PATJ: variants seen among roughly 807,000 people sequenced by gnomAD.
PATJ encodes the protein PATJ crumbs cell polarity complex component.
In PATJ, 190 loss-of-function variants were observed where a neutral mutation model predicts 224.9. The observed-to-expected ratio is 0.84, with a 90% CI of 0.75 to 0.95. The LOEUF (loss-of-function observed/expected upper bound fraction) is 0.95. Ranked by LOEUF, PATJ falls within the 40% of genes least tolerant of loss-of-function variation. The pLI is 0.00. For synonymous variants in PATJ, 769 were observed against 820.3 expected (o/e 0.94, Z 1.07); for missense variants, 2,121 against 2,270.3 (o/e 0.93, Z 1.34).
intron 35 of PATJ, 122 bp downstream of exon 35, chr1:62,114,368 T>C: frequency 1.1e-6 from 1 of 937,644 alleles, no homozygotes; most frequent in Non-Finnish European, 1.6e-6. Context: ...AAGATATTTA[T>C]GAAAATTTGA....
Position 61,765,066 on chromosome 1 carries a change from A to ATTTTTTTTTTTTTTTT in PATJ, c.190-1195_190-1180dup, listed in dbSNP as rs71582647. On this transcript the variant is annotated intron_variant, in intron 3 of 43. Transcript: ENST00000642238. ...TTTCTTTGAGGTTTTATTGACATTC[A>ATTTTTTTTTTTTTTTT]TTTTTTTTTTTTTTTTTTTTTTTTT... is the stretch of plus-strand genomic sequence containing the variant. 1.7e-4 allele frequency among the ~76,000 whole-genome samples: 4 copies of ATTTTTTTTTTTTTTTT among 24,010 alleles called. 2 individuals carry two copies. Among genetic ancestry groups the ATTTTTTTTTTTTTTTT allele is most frequent in the African/African-American group, 5.7e-4 (4 of 7,060 alleles). 15.8% of individuals were successfully genotyped at this position (24,010 alleles called of 152,430 possible).
chr1:61,783,889 G>A (rs1570465795), intron 7 of PATJ, among the ~76,000 whole-genome samples: 4 of 151,720 alleles, frequency 2.6e-5, no homozygotes, highest in Non-Finnish European at 5.9e-5. Context: ...GATCACAGGC[G>A]CTCACCACCA....
chr1:61,871,076 T>G (rs1342615040), intron 20 of PATJ, among the ~76,000 whole-genome samples: 7 of 150,082 alleles, frequency 4.7e-5, no homozygotes, highest in Non-Finnish European at 8.9e-5. Context: ...TTTTGTTTTT[T>G]TTGTTTTTTT....
chr1:61,790,889 G>A (rs1217560142), intron 8 of PATJ, among the ~76,000 whole-genome samples: 4 of 152,270 alleles, frequency 2.6e-5, no homozygotes, highest in Middle Eastern at 3.4e-3. Flanking sequence ...CCTGGGGACA[G>A]CCCATACCCA....
At chr1:61,874,047 C>T (rs1230385394) in intron 20 of PATJ, among the ~76,000 whole-genome samples, 2 of 152,092 alleles carry the variant, frequency 1.3e-5, no homozygotes, top group African/African-American at 2.4e-5. Context: ...AGACAAGAAC[C>T]CAGATTAGCT....
chr1:61,817,545 T>A (rs1190366981), intron 14 of PATJ, among the ~76,000 whole-genome samples: 1 of 152,130 alleles, frequency 6.6e-6, no homozygotes, highest in Non-Finnish European at 1.5e-5. Flanking sequence ...GCACCTGTAA[T>A]CCCAGCTGCT....
intron 1 of PATJ, among the ~76,000 whole-genome samples, chr1:61,752,922 A>G (rs1645414865): frequency 6.6e-6 from 1 of 152,214 alleles, no homozygotes. Flanking sequence ...ACACAATGCT[A>G]GGACACCTGA....
Position 62,103,556 on chromosome 1 carries a change from C to A in PATJ, c.4378-4881C>A, listed in dbSNP as rs1168752823. 2.0e-5 allele frequency among the ~76,000 whole-genome samples: 3 copies of A among 152,136 alleles called. No individual in the cohort carries two copies. In the East Asian group the frequency reaches 5.8e-4, roughly 29 times the overall value. On this transcript the variant is annotated intron_variant, in intron 33 of 43. Coordinates refer to ENST00000642238, the MANE Select transcript of PATJ (RefSeq NM_001350145.3). ...TCACTTGAGGCCAGGAGTTCAAGACCAGCTTGGCCACCATGGTGAAACCTC... is the reference window on the plus strand; with the variant it reads ...TCACTTGAGGCCAGGAGTTCAAGACAAGCTTGGCCACCATGGTGAAACCTC...
chr1:61,869,208 G>A (rs531166601), intron 20 of PATJ, among the ~76,000 whole-genome samples: 43 of 143,370 alleles, frequency 3.0e-4, no homozygotes, highest in Admixed American at 9.1e-4. Flanking sequence ...CCGGGTTCAC[G>A]CCATTCTCCT....
intron 33 of PATJ, among the ~76,000 whole-genome samples, chr1:62,093,186 A>G (rs1386175287): frequency 2.6e-5 from 4 of 152,084 alleles, no homozygotes; most frequent in Non-Finnish European, 5.9e-5. Context: ...TGGTAGACAT[A>G]CTCTCCCATT....
intron 20 of PATJ, 145 bp downstream of exon 20, chr1:61,864,778 G>A: frequency 3.1e-6 from 2 of 641,484 alleles, no homozygotes; most frequent in Non-Finnish European, 2.6e-6. Context: ...GTCATCCAGT[G>A]TCTAGCTGTA....
In PATJ at chr1:62,045,689, C is replaced by T. The variant is rs1380319526; in HGVS notation, c.4033-5277C>T. Among the ~76,000 whole-genome samples, 5 of 152,286 alleles carry T rather than the reference C, an allele frequency of 3.3e-5. No homozygotes were observed. In the East Asian group the frequency reaches 9.6e-4, roughly 29 times the overall value. On this transcript the variant is annotated intron_variant, in intron 30 of 43. Transcript: ENST00000642238. ...AGCAAGAGACGACAGGAACACCCAG[C>T]CATCCGGATTAGCTGAGTCATCTTG...
At chr1:61,896,509 G>C (rs1670390892) in intron 22 of PATJ, among the ~76,000 whole-genome samples, 1 of 152,072 alleles carries the variant, frequency 6.6e-6, no homozygotes, top group African/African-American at 2.4e-5. Context: ...TCTGAGATGA[G>C]ACTTTGGACT....
At chr1:61,819,357 G>T (rs1339634391) in intron 14 of PATJ, among the ~76,000 whole-genome samples, 1 of 152,062 alleles carries the variant, frequency 6.6e-6, no homozygotes, top group African/African-American at 2.4e-5. Context: ...TGATAATCCT[G>T]CTGCTTGTTG....
intron 41 of PATJ, among the ~76,000 whole-genome samples, chr1:62,137,526 T>TGAAGGGGGACAGAGGC (rs1667053019): frequency 3.1e-3 from 4 of 1,284 alleles, no homozygotes; most frequent in Admixed American, 9.4e-3. Context: ...GGCACAGCAG[T>TGAAGGGGGACAGAGGC]CTGAGGGGGA....
chr1:62,153,328 C>A lies in PATJ; in HGVS notation c.5379-30C>A, dbSNP rs150064552. On this transcript the variant is annotated intron_variant, in intron 42 of 43. Transcript: ENST00000642238. Reference sequence around the variant, plus strand: ...GAAATTCCCTCTCAATATCTATTCTCGAATTAAACAGCATGCATTGTGTTT... The same window carrying A: ...GAAATTCCCTCTCAATATCTATTCTAGAATTAAACAGCATGCATTGTGTTT... 9.1e-4 allele frequency: 1,110 copies of A among 1,225,176 alleles called. 16 individuals carry two copies. The African/African-American group carries it at 0.015, about 17-fold the overall frequency. 75.9% of individuals were successfully genotyped at this position (1,225,176 alleles called of 1,614,324 possible).
chr1:61,899,705 C>G, intron 23 of PATJ, 51 bp downstream of exon 23: 3 of 1,241,760 alleles, frequency 2.4e-6, no homozygotes, highest in Non-Finnish European at 3.5e-6. Flanking sequence ...CAACCAGTTG[C>G]TCTTTTCTTT....
chr1:61,899,763 G>A (rs12034395), intron 23 of PATJ, 109 bp downstream of exon 23: 18,535 of 665,590 alleles, frequency 0.028, 967 homozygotes, highest in East Asian at 0.2. Context: ...TGAGAATTGC[G>A]ATAATTCACC....
At chr1:62,033,231 TTAAA>T (rs1297043526) in intron 29 of PATJ, among the ~76,000 whole-genome samples, 2 of 152,194 alleles carry the variant, frequency 1.3e-5, no homozygotes, top group African/African-American at 4.8e-5. Flanking sequence ...TAAATATTTG[TTAAA>T]TAAAGAAATG....
Sources: gnomAD v4.1 joint callset for allele counts (sites outside exome capture counted in the v4.1 genomes callset) on GRCh38, gnomAD v4.1.1 for gene constraint, MANE v1.5 for transcripts, NCBI Gene and HGNC (gene_info 2026-07-23, HGNC 2026-07-21) for gene names.